The following SHMT1 variants were observed in gnomAD, a reference collection of about 807,000 sequenced individuals.
The protein encoded by SHMT1 is serine hydroxymethyltransferase 1.
A neutral mutation model predicts 49.0 loss-of-function variants in SHMT1; 45 were observed. The observed-to-expected ratio is 0.92, with a 90% confidence interval of 0.72 to 1.18. The LOEUF (loss-of-function observed/expected upper bound fraction) is 1.18. SHMT1 is among the 50% of genes most tolerant of loss of function. The pLI is 0.00. For synonymous variants in SHMT1, 232 were observed against 246.6 expected (o/e 0.94, Z 0.55); for missense variants, 541 against 612.4 (o/e 0.88, Z 1.23).
At chr17:18,355,369 C>CA (rs778650524) in intron 2 of SHMT1, among the ~76,000 whole-genome samples, 8,552 of 62,600 alleles carry the variant, frequency 0.14, 540 homozygotes, top group East Asian at 0.2. Flanking sequence ...GACTCTGTCT[C>CA]AAAAAAAAAA....
Position 18,355,917 on chromosome 17 carries a change from A to G in SHMT1, c.65T>C (p.Leu22Pro), listed in dbSNP as rs1227841422. ...ADLWSSHDKM[L>P]AQPLKDSDVE... is the part of the protein sequence containing the mutation. ...ATCACTGTCTTTGAGGGGTTGTGCC[A>G]GCATCTTGTCATGTGAGGACCACAG... is the stretch of plus-strand genomic sequence containing the variant. The change falls in exon 2 of 12, where the codon CTG (leucine) becomes CCG (proline). Residue 22 changes from leucine (L) to proline (P), a missense_variant. By Grantham distance (98) the Leu-to-Pro change is moderately conservative. Transcript: ENST00000316694. 1 of 1,614,078 alleles carries G rather than the reference A, an allele frequency of 6.2e-7. No individual in the cohort carries two copies. Among genetic ancestry groups the G allele is most frequent in the South Asian group, 1.1e-5 (1 of 91,078 alleles).
At chr17:18,337,573 TCTCCCCACGGTCTCCCTCTCCCTTTCC>T (rs1983936212) in intron 7 of SHMT1, among the ~76,000 whole-genome samples, 1 of 49,710 alleles carries the variant, frequency 2.0e-5, no homozygotes, top group Admixed American at 1.8e-4. Flanking sequence ...TCCCCCTCCC[TCTCCCCACGGTCTCCCTCTCCCTTTCC>T]ACGGTCTCCC....
At chr17:18,355,008 G>A (rs1327634271) in intron 2 of SHMT1, among the ~76,000 whole-genome samples, 35 of 123,664 alleles carry the variant, frequency 2.8e-4, no homozygotes, top group African/African-American at 1.1e-3. Context: ...CTGAGATCGC[G>A]TCACTGCACT....
intron 9 of SHMT1, chr17:18,332,834 A>C: frequency 2.6e-6 from 1 of 391,366 alleles, no homozygotes; most frequent in Non-Finnish European, 5.0e-6. Flanking sequence ...TCCTGGTGCC[A>C]CCTACCAGGT....
chr17:18,348,115 T>A (rs1329111210), intron 4 of SHMT1: 1 of 565,464 alleles, frequency 1.8e-6, no homozygotes, highest in African/African-American at 1.9e-5. Flanking sequence ...AGACCGGGTT[T>A]CTCCATGTTG....
chr17:18,345,791 C>T (rs558929507), intron 5 of SHMT1, among the ~76,000 whole-genome samples: 13 of 152,026 alleles, frequency 8.6e-5, no homozygotes, highest in African/African-American at 3.1e-4. Flanking sequence ...AGCAATTATC[C>T]CTCCTCAGCC....
At position 18,330,557 on chromosome 17, in the gene SHMT1, G is replaced by A. The variant is rs747915451; in HGVS notation, c.1169C>T (p.Pro390Leu). 1 of 1,600,642 alleles carries A rather than the reference G, an allele frequency of 6.2e-7. No homozygotes were observed. The highest frequency in any genetic ancestry group is 8.6e-7 in the Non-Finnish European group (1 of 1,167,670). Residue 390 changes from proline (P) to leucine (L), a missense_variant and splice_region_variant, in exon 10 of 12, where the codon CCA becomes CTA. Transcript: ENST00000316694. ...GAGAAGGCAAGGATGATTCTCACCT[G>A]GACAGGTGTTCTTGTTGCAGGCAAT... is the stretch of plus-strand genomic sequence containing the variant. ...CSIACNKNTC[P>L]GDRSALRPSG...
intron 1 of SHMT1, chr17:18,363,071 G>A (rs1475227244): frequency 6.6e-6 from 1 of 152,252 alleles, no homozygotes; most frequent in African/African-American, 2.4e-5. Context: ...AATGCTCAAC[G>A]AGAAAAGTGT....
chr17:18,342,914 C>T (rs555791649), intron 5 of SHMT1, among the ~76,000 whole-genome samples: 9 of 149,984 alleles, frequency 6.0e-5, no homozygotes, highest in East Asian at 5.9e-4. Flanking sequence ...CCAGCCTGGG[C>T]GACAAAGTGA....
At chr17:18,349,889 G>A (rs759387339) in intron 3 of SHMT1, among the ~76,000 whole-genome samples, 1 of 151,904 alleles carries the variant, frequency 6.6e-6, no homozygotes, top group Non-Finnish European at 1.5e-5. Flanking sequence ...GCGTGGTGGT[G>A]CACGCCTGTA....
At position 18,340,271 on chromosome 17, in the gene SHMT1, T is replaced by C. The variant is rs768979174; in HGVS notation, c.602-16A>G. The C allele has an allele frequency of 1.2e-6, 2 of 1,613,236 alleles. No individual in the cohort carries two copies. The highest frequency in any genetic ancestry group is 2.7e-5 in the African/African-American group (2 of 74,896). On this transcript the variant is annotated splice_polypyrimidine_tract_variant and intron_variant, in intron 6 of 11. Transcript: ENST00000316694. This position sits in a 1 kb window ranked among gnomAD's most constrained non-coding sequence, Gnocchi z 4.5. The stretch of plus-strand genomic sequence containing the variant: ...CAGCTGGTTCCTGAGACAGGAAAGG[T>C]GACACAGCTGCATCAGAGATGTCCA...
intron 1 of SHMT1, among the ~76,000 whole-genome samples, chr17:18,358,351 G>A (rs953344792): frequency 6.6e-5 from 10 of 151,836 alleles, no homozygotes; most frequent in South Asian, 6.3e-4. Context: ...TTAGCCGGGC[G>A]TAGTGGCTCA....
In SHMT1 at chr17:18,341,067, C is replaced by T. The variant is rs1273447690; in HGVS notation, c.520-254G>A. On this transcript the variant is annotated intron_variant, in intron 5 of 11. Transcript: ENST00000316694. ...TGGGGCACTACCTGCTGAGAAGGAA[C>T]CAAAAAGCACCTGCAGAATGAAACA... 9.3e-6 allele frequency: 5 copies of T among 536,348 alleles called. No homozygotes were observed. In the African/African-American group the frequency reaches 9.5e-5, roughly 10 times the overall value. The allele number at this position is 536,348 out of a possible 1,614,324, so 33.2% of individuals were successfully genotyped here. A position where few individuals can be genotyped will look rare whatever the true frequency, so the allele number is the denominator to read the frequency against.
chr17:18,331,912 A>G (rs1488176606), intron 9 of SHMT1: 3 of 152,240 alleles, frequency 2.0e-5, no homozygotes, highest in African/African-American at 7.2e-5. Flanking sequence ...GGATGCAGGT[A>G]TAATCAGAAG....
At position 18,340,896 on chromosome 17, in the gene SHMT1, C is replaced by T; in HGVS notation, c.520-83G>A. 1 of 947,768 alleles carries T rather than the reference C, an allele frequency of 1.1e-6. No homozygotes were observed. Among genetic ancestry groups the T allele is most frequent in the East Asian group, 2.6e-5 (1 of 38,294 alleles). The allele number at this position is 947,768 out of a possible 1,614,324, so 58.7% of individuals were successfully genotyped here. A position where few individuals can be genotyped will look rare whatever the true frequency, so the allele number is the denominator to read the frequency against. On this transcript the variant is annotated intron_variant, in intron 5 of 11. Transcript: ENST00000316694. This position sits in a 1 kb window ranked among gnomAD's most constrained non-coding sequence, Gnocchi z 4.5. ...GTCCTCCCACTTGAACTGGCTCCAC[C>T]CACCATGACAAGAGGAATGATGTCC...
At chr17:18,343,543 G>A (rs897576587) in intron 5 of SHMT1, among the ~76,000 whole-genome samples, 2 of 150,220 alleles carry the variant, frequency 1.3e-5, no homozygotes, top group Non-Finnish European at 3.0e-5. Context: ...GGGAGGCAGA[G>A]GTTGCAGTAA....
At chr17:18,353,338 C>T (rs771636005) in intron 3 of SHMT1, among the ~76,000 whole-genome samples, 6 of 152,178 alleles carry the variant, frequency 3.9e-5, no homozygotes, top group Non-Finnish European at 4.4e-5. Context: ...ATGGCAACGG[C>T]CACCTTCTGC....
rs1002035360 is a variant in SHMT1 at position 18,338,027 on chromosome 17, C to A, written c.814+2016G>T. Among the ~76,000 whole-genome samples, 3 of 151,340 alleles carry A rather than the reference C, an allele frequency of 2.0e-5. 1 individual carries two copies. Among genetic ancestry groups the A allele is most frequent in the Non-Finnish European group, 4.4e-5 (3 of 67,782 alleles). ...GGAAGTGAGGAGCGTCTCTGCCTGG[C>A]CGCTCATCATCTGGGATGTGAGGAG... On this transcript the variant is annotated intron_variant, in intron 7 of 11. Coordinates refer to ENST00000316694, the MANE Select transcript of SHMT1 (RefSeq NM_004169.5).
chr17:18,333,235 GT>G lies in SHMT1; in HGVS notation c.984del (p.Gln328HisfsTer15), dbSNP rs777198869. ...GCCCTGCAGTTGGCCACCACCTGGT[GT>G]TGATAAACTTTAAATTCCAGAGTCA... Reference protein sequence around the residue: ...QAMTLEFKVYQHQVVANCRAL... With the variant: ...QAMTLEFKVYXHQVVANCRAL... On this transcript the variant is annotated frameshift_variant, in exon 9 of 12. Transcript: ENST00000316694. LOFTEE classifies it high-confidence loss of function. The G allele has an allele frequency of 2.7e-5, 44 of 1,613,786 alleles. No individual in the cohort carries two copies. The highest frequency in any genetic ancestry group is 8.3e-5 in the Admixed American group (5 of 60,004).
Sources: gnomAD v4.1 joint callset for allele counts (sites outside exome capture counted in the v4.1 genomes callset) on GRCh38, gnomAD v4.1.1 for gene constraint, Gnocchi (gnomAD v3.1) non-coding constraint, MANE v1.5 for transcripts, NCBI Gene and HGNC (gene_info 2026-07-23, HGNC 2026-07-21) for gene names.